PLCH1: variants seen among roughly 807,000 people sequenced by gnomAD.
The protein encoded by PLCH1 is 1-phosphatidylinositol 4,5-bisphosphate phosphodiesterase eta-1.
In PLCH1, 60 loss-of-function variants were observed where a neutral mutation model predicts 126.7. That is an observed-to-expected ratio of 0.47 (90% CI 0.38 to 0.59). The LOEUF (loss-of-function observed/expected upper bound fraction) is 0.59. PLCH1 is among the 20% of genes least tolerant of loss of function. The probability of loss-of-function intolerance (pLI) is 0.00; values close to 1 mark genes in which losing one functional copy is unlikely to be tolerated. For missense variants in PLCH1, 1,723 were observed against 2,040.0 expected, an observed-to-expected ratio of 0.84 and a Z score of 2.99; for synonymous variants, 719 against 734.9, an observed-to-expected ratio of 0.98 and a Z score of 0.35.
chr3:155,474,121 C>T (rs1713410601), intron 21 of PLCH1, among the ~76,000 whole-genome samples: 1 of 152,038 alleles, frequency 6.6e-6, no homozygotes, highest in Non-Finnish European at 1.5e-5. Context: ...AAAGAAACTA[C>T]CATCAGAGTG....
intron 1 of PLCH1, among the ~76,000 whole-genome samples, chr3:155,715,605 T>C (rs935711049): frequency 6.9e-6 from 1 of 145,018 alleles, no homozygotes; most frequent in African/African-American, 2.6e-5. Context: ...ACATCTGGCC[T>C]CTTTTTTTTT....
At chr3:155,478,385 TAAAG>T (rs1713638561), downstream of PLCH1, among the ~76,000 whole-genome samples, 1 of 152,066 alleles carries the variant, frequency 6.6e-6, no homozygotes, top group Non-Finnish European at 1.5e-5. Flanking sequence ...TATTTTAAAA[TAAAG>T]AGTGTAATTG....
chr3:155,700,577 A>C (rs1056919378), intron 2 of PLCH1, among the ~76,000 whole-genome samples: 3 of 152,260 alleles, frequency 2.0e-5, no homozygotes, highest in Non-Finnish European at 4.4e-5. Flanking sequence ...ACTTACAGGA[A>C]AGCAATTAAT....
chr3:155,539,174 T>C (rs1437663257), intron 10 of PLCH1, among the ~76,000 whole-genome samples: 2 of 152,160 alleles, frequency 1.3e-5, no homozygotes, highest in Non-Finnish European at 2.9e-5. Context: ...TCTCAATAGA[T>C]GCAGAAAAAG....
intron 10 of PLCH1, among the ~76,000 whole-genome samples, chr3:155,530,407 C>T (rs527431529): frequency 6.6e-6 from 1 of 151,770 alleles, no homozygotes; most frequent in South Asian, 2.1e-4. Flanking sequence ...AGCTCCGCCT[C>T]CCGGGTTCAC....
intron 8 of PLCH1, among the ~76,000 whole-genome samples, chr3:155,559,102 T>C (rs1012217899): frequency 6.6e-6 from 1 of 152,200 alleles, no homozygotes; most frequent in African/African-American, 2.4e-5. Context: ...GGGCTGGTCA[T>C]GTCATTCAAT....
At chr3:155,551,138 A>G (rs553123760) in intron 9 of PLCH1, among the ~76,000 whole-genome samples, 1 of 152,264 alleles carries the variant, frequency 6.6e-6, no homozygotes, top group Non-Finnish European at 1.5e-5. Context: ...CACATTGTCA[A>G]TTCATTTACA....
chr3:155,523,794 C>A, intron 11 of PLCH1, 103 bp downstream of exon 11: 1 of 668,044 alleles, frequency 1.5e-6, no homozygotes, highest in Non-Finnish European at 2.6e-6. Flanking sequence ...CTTTCTACAC[C>A]ACAGCCACCA....
At chr3:155,568,560 T>C (rs17346869) in intron 6 of PLCH1, among the ~76,000 whole-genome samples, 2,481 of 152,272 alleles carry the variant, frequency 0.016, 36 homozygotes, top group Non-Finnish European at 0.025. Context: ...ATTAGACAAA[T>C]GTTCTCTGTG....
At chr3:155,570,560 G>T (rs1243291655) in intron 6 of PLCH1, among the ~76,000 whole-genome samples, 1 of 152,136 alleles carries the variant, frequency 6.6e-6, no homozygotes, top group Non-Finnish European at 1.5e-5. Context: ...CTGTCAATGT[G>T]CAGTAAAGAG....
chr3:155,501,389 G>C (rs1717868081), intron 13 of PLCH1, among the ~76,000 whole-genome samples: 1 of 152,184 alleles, frequency 6.6e-6, no homozygotes, highest in African/African-American at 2.4e-5. Flanking sequence ...CTAATCTGGT[G>C]TCTTTTGGAC....
intron 1 of PLCH1, among the ~76,000 whole-genome samples, chr3:155,709,899 C>T (rs1448702485): frequency 6.6e-6 from 1 of 152,002 alleles, no homozygotes; most frequent in Non-Finnish European, 1.5e-5. Flanking sequence ...ATTACAGATG[C>T]CAGCCATCAT....
At chr3:155,600,859 A>G (rs1484282679) in intron 2 of PLCH1, among the ~76,000 whole-genome samples, 2 of 152,248 alleles carry the variant, frequency 1.3e-5, no homozygotes, top group East Asian at 3.8e-4. Flanking sequence ...TAGCATAAAT[A>G]TTTAAAGAGC....
chr3:155,469,504 C>G (rs1046150640), intron 21 of PLCH1, among the ~76,000 whole-genome samples: 3 of 152,054 alleles, frequency 2.0e-5, no homozygotes, highest in East Asian at 1.9e-4. Context: ...GGGGGAGGGG[C>G]GCCCGCCATT....
intron 6 of PLCH1, among the ~76,000 whole-genome samples, chr3:155,570,465 G>T (rs1031524862): frequency 2.0e-5 from 3 of 152,102 alleles, no homozygotes; most frequent in Non-Finnish European, 4.4e-5. Context: ...ACTGAATATT[G>T]TTCTTTCTAC....
rs139605537 is a variant in PLCH1 at position 155,468,525 on chromosome 3, A to G, written c.2938+16831T>C. Among the ~76,000 whole-genome samples the G allele has an allele frequency of 3.4e-4, 52 of 152,282 alleles. 1 individual carries two copies. The East Asian group carries it at 9.5e-3, about 28-fold the overall frequency. On this transcript the variant is annotated intron_variant, in intron 21 of 21. Transcript: ENST00000494598. ...ACTTCACCTACACGGACACACATAG[A>G]CTGAAAATAAACGGATGGAAAAAGG...
At chr3:155,596,167 C>A (rs745598435) in intron 3 of PLCH1, 65 bp downstream of exon 3, 4 of 1,180,240 alleles carry the variant, frequency 3.4e-6, no homozygotes, top group Middle Eastern at 2.0e-4. Flanking sequence ...GCTTCAAGAG[C>A]CCACTCAGTA....
At chr3:155,669,904 C>A (rs1019729354) in intron 2 of PLCH1, among the ~76,000 whole-genome samples, 1 of 152,130 alleles carries the variant, frequency 6.6e-6, no homozygotes, top group Non-Finnish European at 1.5e-5. Context: ...AGTTTAATTT[C>A]TTTATGAGAC....
chr3:155,510,257 G>A (rs1244551492), intron 12 of PLCH1, among the ~76,000 whole-genome samples: 10 of 105,724 alleles, frequency 9.5e-5, no homozygotes, highest in Admixed American at 8.6e-4. Context: ...GTCTCTGCAC[G>A]TGAGATGGGT....
Sources: gnomAD v4.1 joint callset for allele counts (sites outside exome capture counted in the v4.1 genomes callset) on GRCh38, gnomAD v4.1.1 for gene constraint, MANE v1.5 for transcripts, NCBI Gene and HGNC (gene_info 2026-07-23, HGNC 2026-07-21) for gene names.